Variants in NEK7 observed in about 807,000 individuals in gnomAD.
NEK7 encodes NIMA related kinase 7.
Under a neutral mutation model 44.6 loss-of-function variants are expected in NEK7, and 18 were observed. That is an observed-to-expected ratio of 0.40 (90% CI 0.28 to 0.60). The LOEUF is 0.60. NEK7 is among the 20% of genes least tolerant of loss of function. NEK7 has a pLI of 0.38. For synonymous variants in NEK7, 130 were observed against 121.1 expected (o/e 1.07, Z -0.48); for missense variants, 256 against 366.5 (o/e 0.70, Z 2.46).
chr1:198,208,824 T>C (rs1665675072), intron 1 of NEK7, among the ~76,000 whole-genome samples: 1 of 152,134 alleles, frequency 6.6e-6, no homozygotes, highest in South Asian at 2.1e-4. Context: ...CTACAATTTC[T>C]GTTTCTGTGT....
intron 1 of NEK7, among the ~76,000 whole-genome samples, chr1:198,231,674 AAG>A (rs981046081): frequency 3.3e-5 from 5 of 152,078 alleles, no homozygotes; most frequent in Non-Finnish European, 5.9e-5. Context: ...AGTTCATGGA[AAG>A]ATACCATTGG....
chr1:198,178,088 C>G (rs551375978), intron 1 of NEK7, among the ~76,000 whole-genome samples: 3 of 151,792 alleles, frequency 2.0e-5, no homozygotes, highest in African/African-American at 7.3e-5. Context: ...ATTCTTAGAA[C>G]GAATCAACCT....
rs556584497 is a variant in NEK7, at chr1:198,243,860, C to T, written c.58-9180C>T. Among the ~76,000 whole-genome samples the T allele has an allele frequency of 7.2e-5, 11 of 151,870 alleles. No homozygotes were observed. In the East Asian group the frequency reaches 1.9e-3, roughly 27 times the overall value. On this transcript the variant is annotated intron_variant, in intron 2 of 9. Coordinates refer to ENST00000367385, the MANE Select transcript of NEK7 (RefSeq NM_133494.3). ...ATAATTTTTCAAATAGGAAGAAACA[C>T]GAATAATTAGGTCTTGGTGGCACAT...
chr1:198,192,510 T>C (rs976896551), intron 1 of NEK7, among the ~76,000 whole-genome samples: 1 of 152,080 alleles, frequency 6.6e-6, no homozygotes, highest in Non-Finnish European at 1.5e-5. Flanking sequence ...ACCAGGTAGA[T>C]GGTGGTATTT....
intron 9 of NEK7, among the ~76,000 whole-genome samples, chr1:198,315,727 A>T (rs1331512267): frequency 6.6e-6 from 1 of 152,224 alleles, no homozygotes; most frequent in Admixed American, 6.5e-5. Flanking sequence ...GATGTTTGAT[A>T]TGAATTTCAA....
chr1:198,215,024 T>G (rs938011205), intron 1 of NEK7, among the ~76,000 whole-genome samples: 1 of 152,206 alleles, frequency 6.6e-6, no homozygotes, highest in African/African-American at 2.4e-5. Flanking sequence ...GGTTCCTATC[T>G]TTAGTCTCCT....
At chr1:198,201,227 A>C (rs565041701) in intron 1 of NEK7, among the ~76,000 whole-genome samples, 1 of 152,186 alleles carries the variant, frequency 6.6e-6, no homozygotes, top group African/African-American at 2.4e-5. Context: ...TCCATAGGTC[A>C]TACCTAAATT....
chr1:198,297,934 G>A (rs116066840), intron 9 of NEK7, among the ~76,000 whole-genome samples: 2,972 of 152,324 alleles, frequency 0.02, 37 homozygotes, highest in African/African-American at 0.029. Context: ...ACCCATTGAA[G>A]TGAGTTGTTT....
chr1:198,223,410 A>C (rs1666124415), intron 1 of NEK7, among the ~76,000 whole-genome samples: 1 of 152,200 alleles, frequency 6.6e-6, no homozygotes, highest in African/African-American at 2.4e-5. Context: ...GTCCTTGATG[A>C]AGTGGTAAAA....
At chr1:198,221,156 T>C (rs1324193623) in intron 1 of NEK7, 2 of 152,094 alleles carry the variant, frequency 1.3e-5, no homozygotes, top group Admixed American at 1.3e-4. Flanking sequence ...GTGTCAATAA[T>C]TCATTTTAGG....
At chr1:198,217,933 A>G (rs1292639448) in intron 1 of NEK7, among the ~76,000 whole-genome samples, 2 of 151,878 alleles carry the variant, frequency 1.3e-5, no homozygotes, top group Non-Finnish European at 2.9e-5. Flanking sequence ...CTGCTGAAAT[A>G]AATAAAACAA....
chr1:198,236,777 A>C (rs1200183003), intron 2 of NEK7, among the ~76,000 whole-genome samples: 1 of 152,276 alleles, frequency 6.6e-6, no homozygotes, highest in African/African-American at 2.4e-5. Context: ...GGTCCGTGCT[A>C]CTATGCTATT....
intron 2 of NEK7, among the ~76,000 whole-genome samples, chr1:198,244,176 A>G (rs1298581274): frequency 6.6e-6 from 1 of 152,168 alleles, no homozygotes; most frequent in Non-Finnish European, 1.5e-5. Flanking sequence ...TCAGTAAGAG[A>G]TGAATTTTCA....
chr1:198,180,223 A>G (rs542876025), intron 1 of NEK7, among the ~76,000 whole-genome samples: 1 of 152,054 alleles, frequency 6.6e-6, no homozygotes, highest in East Asian at 1.9e-4. Context: ...AGTTAAAAGT[A>G]AGCATTCAGT....
At chr1:198,302,745 C>T (rs773971553) in intron 9 of NEK7, among the ~76,000 whole-genome samples, 11 of 151,720 alleles carry the variant, frequency 7.3e-5, no homozygotes. Context: ...TTCTTTAATG[C>T]GATTATCAAT....
intron 1 of NEK7, among the ~76,000 whole-genome samples, chr1:198,158,677 C>G (rs1663994789): frequency 6.6e-6 from 1 of 152,188 alleles, no homozygotes; most frequent in South Asian, 2.1e-4. Flanking sequence ...TGTGGCAACT[C>G]TTGTTGAATG....
chr1:198,295,392 A>G (rs921321068), intron 8 of NEK7, among the ~76,000 whole-genome samples: 6 of 152,148 alleles, frequency 3.9e-5, no homozygotes, highest in African/African-American at 1.4e-4. Flanking sequence ...GAGTAAGTCA[A>G]TCATTCTAGC....
At chr1:198,209,070 T>C (rs12061511) in intron 1 of NEK7, among the ~76,000 whole-genome samples, 20,579 of 148,402 alleles carry the variant, frequency 0.14, 2,104 homozygotes, top group East Asian at 0.58. Flanking sequence ...CACACACACA[T>C]ACGCACATAT....
intron 1 of NEK7, among the ~76,000 whole-genome samples, chr1:198,224,856 T>A (rs186556012): frequency 5.8e-4 from 88 of 152,198 alleles, no homozygotes; most frequent in East Asian, 5.2e-3. Context: ...ATTAAGTAGA[T>A]GGTGATACAT....
Sources: allele counts gnomAD v4.1 joint callset (sites outside exome capture counted in the v4.1 genomes callset), GRCh38; gene constraint gnomAD v4.1.1; transcripts MANE v1.5; gene names NCBI Gene and HGNC (gene_info 2026-07-23, HGNC 2026-07-21).